The following LRFN5 variants were observed in gnomAD, a reference collection of about 807,000 sequenced individuals.
The protein encoded by LRFN5 is leucine-rich repeat and fibronectin type-III domain-containing protein 5.
Under a neutral mutation model 45.6 loss-of-function variants are expected in LRFN5, and 24 were observed. The ratio of observed to expected loss-of-function variants is 0.53; its 90% CI spans 0.38 to 0.74. The LOEUF (loss-of-function observed/expected upper bound fraction) is 0.74, where lower values mean the gene tolerates loss of function less well. LRFN5 is among the 30% of genes least tolerant of loss of function. The pLI is 0.00. For synonymous variants in LRFN5, 340 were observed against 313.8 expected, an observed-to-expected ratio of 1.08 and a Z score of -0.88; for missense variants, 776 against 861.5, an observed-to-expected ratio of 0.90 and a Z score of 1.24.
At chr14:41,868,763 T>C (rs1431208204) in intron 2 of LRFN5, among the ~76,000 whole-genome samples, 1 of 152,188 alleles carries the variant, frequency 6.6e-6, no homozygotes, top group Non-Finnish European at 1.5e-5. Flanking sequence ...TAAAACATTT[T>C]TGTGAAATGC....
chr14:41,808,978 G>A (rs1887646491), intron 2 of LRFN5, among the ~76,000 whole-genome samples: 1 of 151,990 alleles, frequency 6.6e-6, no homozygotes, highest in Admixed American at 6.6e-5. Flanking sequence ...CTATTCATCT[G>A]GCACTATAAG....
intron 1 of LRFN5, among the ~76,000 whole-genome samples, chr14:41,613,441 A>G (rs1212243526): frequency 1.3e-5 from 2 of 152,076 alleles, no homozygotes; most frequent in Non-Finnish European, 2.9e-5. Context: ...ATAAGAAAAT[A>G]TATCTTTTTA....
chr14:41,614,969 G>C (rs1887882377), intron 1 of LRFN5, among the ~76,000 whole-genome samples: 1 of 151,974 alleles, frequency 6.6e-6, no homozygotes, highest in African/African-American at 2.4e-5. Flanking sequence ...TCAGGAACCA[G>C]GCAGAAGATG....
intron 2 of LRFN5, among the ~76,000 whole-genome samples, chr14:41,795,569 A>G (rs1306894193): frequency 1.3e-5 from 2 of 152,138 alleles, no homozygotes; most frequent in Non-Finnish European, 2.9e-5. Flanking sequence ...AATGTGGCAC[A>G]TATACACCAT....
chr14:41,812,767 G>A (rs1249325495), intron 2 of LRFN5, among the ~76,000 whole-genome samples: 1 of 152,046 alleles, frequency 6.6e-6, no homozygotes, highest in Non-Finnish European at 1.5e-5. Context: ...ATGAAACAAT[G>A]TTTTAAATGA....
At chr14:41,618,418 C>T (rs1256053102) in intron 1 of LRFN5, among the ~76,000 whole-genome samples, 2 of 152,148 alleles carry the variant, frequency 1.3e-5, no homozygotes, top group Non-Finnish European at 2.9e-5. Flanking sequence ...CTACTCTGCT[C>T]TTTTCAAAAA....
intron 2 of LRFN5, among the ~76,000 whole-genome samples, chr14:41,803,015 T>C (rs561023422): frequency 2.0e-5 from 3 of 152,248 alleles, no homozygotes; most frequent in Admixed American, 2.0e-4. Flanking sequence ...ATAATGCAAG[T>C]TGCCTTAGTG....
intron 1 of LRFN5, among the ~76,000 whole-genome samples, chr14:41,717,742 T>C (rs1190811399): frequency 2.6e-5 from 4 of 152,200 alleles, no homozygotes; most frequent in Non-Finnish European, 5.9e-5. Flanking sequence ...ACATACTGTA[T>C]AACTCTAGTG....
At chr14:41,755,702 G>A (rs1885345242) in intron 1 of LRFN5, among the ~76,000 whole-genome samples, 1 of 152,116 alleles carries the variant, frequency 6.6e-6, no homozygotes, top group African/African-American at 2.4e-5. Flanking sequence ...ACACTGATGG[G>A]CCTTGACTCT....
At chr14:41,841,381 G>C (rs7155543) in intron 2 of LRFN5, among the ~76,000 whole-genome samples, 43,208 of 151,628 alleles carry the variant, frequency 0.28, 6,356 homozygotes, top group Middle Eastern at 0.36. Context: ...AAATTGCCTT[G>C]TTTTCCCCTT....
intron 1 of LRFN5, chr14:41,700,523 T>C (rs1265124005): frequency 1.3e-5 from 2 of 151,958 alleles, no homozygotes; most frequent in African/African-American, 2.4e-5. Context: ...CAGGATGATA[T>C]GGGGTTTCAC....
chr14:41,650,900 G>GAGAGAGGGAGGGAGA (rs760599685), intron 1 of LRFN5, among the ~76,000 whole-genome samples: 1 of 91,278 alleles, frequency 1.1e-5, no homozygotes, highest in Non-Finnish European at 2.0e-5. Flanking sequence ...AGAGAGAGAG[G>GAGAGAGGGAGGGAGA]GAGGGAGGGA....
At chr14:41,686,084 C>T (rs75725266) in intron 1 of LRFN5, among the ~76,000 whole-genome samples, 5,076 of 152,074 alleles carry the variant, frequency 0.033, 142 homozygotes, top group African/African-American at 0.085. Context: ...GACATTGATT[C>T]GTCCTAGACA....
At chr14:41,800,583 CTTTA>C (rs910839140) in intron 2 of LRFN5, among the ~76,000 whole-genome samples, 4 of 151,638 alleles carry the variant, frequency 2.6e-5, no homozygotes, top group South Asian at 2.1e-4. Flanking sequence ...CTCATTACTA[CTTTA>C]TTTAATATGA....
At chr14:41,782,974 C>CT (rs57305924) in intron 2 of LRFN5, among the ~76,000 whole-genome samples, 19,359 of 127,394 alleles carry the variant, frequency 0.15, 1,962 homozygotes, top group East Asian at 0.22. Flanking sequence ...GGTGATACAG[C>CT]TTTTTTTTTT....
At chr14:41,667,459 A>T (rs1880954421) in intron 1 of LRFN5, among the ~76,000 whole-genome samples, 1 of 152,130 alleles carries the variant, frequency 6.6e-6, no homozygotes, top group Non-Finnish European at 1.5e-5. Context: ...GTGACTGAGG[A>T]ACTGAATTGT....
intron 2 of LRFN5, among the ~76,000 whole-genome samples, chr14:41,787,792 C>T (rs1022249696): frequency 4.6e-5 from 7 of 151,464 alleles, no homozygotes; most frequent in South Asian, 4.2e-4. Context: ...TTTATGATGC[C>T]GCAGTATCTT....
chr14:41,635,349 C>T (rs1432513333), intron 1 of LRFN5, among the ~76,000 whole-genome samples: 1 of 152,126 alleles, frequency 6.6e-6, no homozygotes, highest in African/African-American at 2.4e-5. Flanking sequence ...TCACAGGCCT[C>T]TGTGTTGGCT....
At chr14:41,855,381 C>A (rs992221052) in intron 2 of LRFN5, among the ~76,000 whole-genome samples, 3 of 152,044 alleles carry the variant, frequency 2.0e-5, no homozygotes, top group Non-Finnish European at 4.4e-5. Context: ...AGATAATGAG[C>A]CTTACTGTTT....
Sources: gnomAD v4.1 joint callset for allele counts (sites outside exome capture counted in the v4.1 genomes callset) on GRCh38, gnomAD v4.1.1 for gene constraint, MANE v1.5 for transcripts, NCBI Gene and HGNC (gene_info 2026-07-23, HGNC 2026-07-21) for gene names.